Variants in DSCAML1 observed in about 807,000 individuals in gnomAD.
The protein encoded by DSCAML1 is cell adhesion molecule DSCAML1.
DSCAML1 carries 38 observed loss-of-function variants against 200.5 expected under a neutral mutation model. The ratio of observed to expected loss-of-function variants is 0.19; its 90% CI spans 0.15 to 0.25. The LOEUF is 0.25. DSCAML1 is among the 10% of genes least tolerant of loss of function. The pLI, the probability that DSCAML1 is intolerant of heterozygous loss-of-function variation, is 1.00. For synonymous variants in DSCAML1, 1,215 were observed against 1,165.0 expected (o/e 1.04, Z -0.87); for missense variants, 2,223 against 2,858.8 (o/e 0.78, Z 5.07).
At position 117,741,637 on chromosome 11, in the gene DSCAML1, G is replaced by A. The variant is rs572274194; in HGVS notation, c.511+35154C>T. ...TAAGAACACATAGTAATTAGGGAAG[G>A]TGGAACCACCAATGCTCCTGTTCTT... is the stretch of plus-strand genomic sequence containing the variant. On this transcript the variant is annotated intron_variant, in intron 3 of 32. Coordinates refer to ENST00000651296, the MANE Select transcript of DSCAML1 (RefSeq NM_020693.4). 2.6e-5 allele frequency among the ~76,000 whole-genome samples: 4 copies of A among 152,346 alleles called. No homozygotes were observed. The East Asian group carries it at 7.7e-4, about 29-fold the overall frequency.
rs1400616034 is a variant in DSCAML1 at position 117,642,411 on chromosome 11, A to G, written c.512-109889T>C. Among the ~76,000 whole-genome samples the G allele has an allele frequency of 6.6e-6, 1 of 152,142 alleles. No individual in the cohort carries two copies. Among genetic ancestry groups the G allele is most frequent in the Non-Finnish European group, 1.5e-5 (1 of 68,022 alleles). On this transcript the variant is annotated intron_variant, in intron 3 of 32. Coordinates refer to ENST00000651296, the MANE Select transcript of DSCAML1 (RefSeq NM_020693.4). The surrounding 1 kb of genome is among the most constrained non-coding windows in gnomAD (Gnocchi z 4.1). ...GTCTGTGTATAAGTCTGACACCCAC[A>G]GGTCACAGTCTGGAGGCACAGTCTG...
At chr11:117,781,971 C>T (rs1008316759) in intron 1 of DSCAML1, among the ~76,000 whole-genome samples, 9 of 152,226 alleles carry the variant, frequency 5.9e-5, no homozygotes, top group Non-Finnish European at 2.9e-5. Context: ...GAGGAGCCTG[C>T]CCCTTTAAGA....
intron 11 of DSCAML1, among the ~76,000 whole-genome samples, chr11:117,483,513 T>C (rs2048973004): frequency 6.6e-6 from 1 of 152,246 alleles, no homozygotes; most frequent in African/African-American, 2.4e-5. Context: ...CGTGATCTCA[T>C]GTTTGAAACT....
chr11:117,746,278 T>A (rs2054517153), intron 3 of DSCAML1, among the ~76,000 whole-genome samples: 1 of 150,342 alleles, frequency 6.7e-6, no homozygotes, highest in South Asian at 2.1e-4. Flanking sequence ...TAAGTGAATT[T>A]TTATTATTAT....
Position 117,619,528 on chromosome 11 carries a change from G to A in DSCAML1, c.512-87006C>T, listed in dbSNP as rs544387551. Among the ~76,000 whole-genome samples, 65 of 152,346 alleles carry A rather than the reference G, an allele frequency of 4.3e-4. No homozygotes were observed. The South Asian group carries it at 8.7e-3, about 20-fold the overall frequency. On this transcript the variant is annotated intron_variant, in intron 3 of 32. Transcript: ENST00000651296. ...AAAAATTAAGATTTGGAGGAAAATG[G>A]AAAATATGTTTAATCTCTTTTTGTA...
At chr11:117,541,310 C>T (rs1282112875) in intron 3 of DSCAML1, among the ~76,000 whole-genome samples, 1 of 152,206 alleles carries the variant, frequency 6.6e-6, no homozygotes, top group Non-Finnish European at 1.5e-5. Context: ...TTTATTTGTC[C>T]TTGGAGCACA....
intron 3 of DSCAML1, among the ~76,000 whole-genome samples, chr11:117,697,004 C>T (rs531187090): frequency 6.6e-6 from 1 of 152,334 alleles, no homozygotes; most frequent in South Asian, 2.1e-4. Flanking sequence ...TAACAAGGAC[C>T]TTCTATTTGC....
chr11:117,699,934 G>A (rs2053640444), intron 3 of DSCAML1, among the ~76,000 whole-genome samples: 1 of 152,190 alleles, frequency 6.6e-6, no homozygotes, highest in South Asian at 2.1e-4. Flanking sequence ...ATCAAAACAG[G>A]GGCAGCCTAA....
chr11:117,585,441 G>C (rs2051121921), intron 3 of DSCAML1, among the ~76,000 whole-genome samples: 1 of 152,074 alleles, frequency 6.6e-6, no homozygotes, highest in African/African-American at 2.4e-5. Flanking sequence ...ATAGAGATAG[G>C]CTTTCACATG....
chr11:117,776,628 C>CT lies in DSCAML1; in HGVS notation c.511+162dup, dbSNP rs142431704. Among the ~76,000 whole-genome samples, 180 of 145,370 alleles carry CT rather than the reference C, an allele frequency of 1.2e-3. 2 individuals are homozygous for CT. The highest frequency in any genetic ancestry group is 0.01 in the Middle Eastern group (3 of 286). On this transcript the variant is annotated intron_variant, in intron 3 of 32. Transcript: ENST00000651296. Reference sequence around the variant, plus strand: ...AGACGTGCCAGACCAAGACCAAAGACTTTTTTTTTTTGGCCAAAGCTTCAC... The same window carrying CT: ...AGACGTGCCAGACCAAGACCAAAGACTTTTTTTTTTTTGGCCAAAGCTTCAC...
intron 3 of DSCAML1, among the ~76,000 whole-genome samples, chr11:117,554,891 G>C (rs2050533154): frequency 6.6e-6 from 1 of 152,108 alleles, no homozygotes; most frequent in South Asian, 2.1e-4. Flanking sequence ...GAGGGTTTTC[G>C]TTACATACAG....
chr11:117,752,340 A>G (rs961348112), intron 3 of DSCAML1, among the ~76,000 whole-genome samples: 14 of 152,224 alleles, frequency 9.2e-5, no homozygotes, highest in Non-Finnish European at 1.5e-4. Flanking sequence ...GACTCATGTT[A>G]GGGTCTCATT....
intron 1 of DSCAML1, among the ~76,000 whole-genome samples, chr11:117,788,385 G>C (rs1468521671): frequency 1.3e-5 from 2 of 152,170 alleles, no homozygotes; most frequent in Non-Finnish European, 2.9e-5. Context: ...GGAGTGCAGT[G>C]GCACCATCTT....
At chr11:117,470,041 C>A in intron 15 of DSCAML1, 61 bp from the exon 16 acceptor site, 1 of 1,463,330 alleles carries the variant, frequency 6.8e-7, no homozygotes, top group Non-Finnish European at 9.2e-7. Flanking sequence ...GGAAGGGGTT[C>A]TATGTTCCCA....
At chr11:117,593,953 T>G (rs1040299811) in intron 3 of DSCAML1, among the ~76,000 whole-genome samples, 1 of 152,068 alleles carries the variant, frequency 6.6e-6, no homozygotes, top group African/African-American at 2.4e-5. Context: ...GACCTCGTGA[T>G]CCGCCCGCCT....
At position 117,437,934 on chromosome 11, in the gene DSCAML1, G is replaced by T; in HGVS notation, c.4393C>A (p.Arg1465Ser). Residue 1465 changes from arginine to serine, a missense_variant, in exon 25 of 33, where the codon CGC (arginine) becomes AGC (serine). By Grantham distance (110) the Arg-to-Ser change is moderately radical (BLOSUM62 -1). Coordinates refer to ENST00000651296, the MANE Select transcript of DSCAML1 (RefSeq NM_020693.4). The surrounding 1 kb of genome is among the most constrained non-coding windows in gnomAD (Gnocchi z 5.3). The stretch of plus-strand genomic sequence containing the variant: ...TTGGCCTCGATGATCTCGCTGATGC[G>T]CCCAGAGCCCACGCTGTTCTTGGCT... The part of the protein sequence containing the change: ...LAAKNSVGSG[R>S]ISEIIEAKTH... 6.2e-7 allele frequency: 1 copy of T among 1,613,022 alleles called. No individual in the cohort carries two copies. The highest frequency in any genetic ancestry group is 8.5e-7 in the Non-Finnish European group (1 of 1,179,908).
At chr11:117,723,455 G>A (rs77047087) in intron 3 of DSCAML1, among the ~76,000 whole-genome samples, 2,272 of 152,192 alleles carry the variant, frequency 0.015, 21 homozygotes, top group East Asian at 0.04. Context: ...AACAAATGCC[G>A]TGCTAAAATC....
intron 1 of DSCAML1, among the ~76,000 whole-genome samples, chr11:117,788,517 G>T (rs1243566134): frequency 6.6e-6 from 1 of 152,020 alleles, no homozygotes; most frequent in Non-Finnish European, 1.5e-5. Context: ...AGTAGAGATG[G>T]GGTTTCGCCA....
At chr11:117,795,965 C>T (rs2055565451) in intron 1 of DSCAML1, among the ~76,000 whole-genome samples, 1 of 152,220 alleles carries the variant, frequency 6.6e-6, no homozygotes, top group Non-Finnish European at 1.5e-5. Context: ...GAACAGGTGA[C>T]GCTGAGCTTG....
Sources: allele counts gnomAD v4.1 joint callset (sites outside exome capture counted in the v4.1 genomes callset), GRCh38; gene constraint gnomAD v4.1.1; non-coding constraint Gnocchi (gnomAD v3.1); transcripts MANE v1.5; gene names NCBI Gene and HGNC (gene_info 2026-07-23, HGNC 2026-07-21).